Variants in CTSC observed in about 807,000 individuals in gnomAD.
The protein encoded by CTSC is cathepsin C.
CTSC carries 37 observed loss-of-function variants against 40.9 expected under a neutral mutation model. That is an observed-to-expected ratio of 0.91 (90% CI 0.70 to 1.19). CTSC has a LOEUF of 1.19. Ranked by LOEUF, CTSC falls within the 50% of genes most tolerant of loss-of-function variation. The pLI is 0.00. For missense variants in CTSC, 594 were observed against 567.3 expected (o/e 1.05, Z -0.48); for synonymous variants, 232 against 207.4 (o/e 1.12, Z -1.02).
rs376286500 is a variant in CTSC, at chr11:88,294,126, A to G, written c.1272T>C (p.Ile424=). ...TDSASGMDYW[I]VKNSWGTGWG... is the part of the protein sequence containing the mutation. ...AGCCGGTGCCCCAGCTGTTTTTAAC[A>G]ATCCAGTAATCCATCCCAGAGGCTG... is the stretch of plus-strand genomic sequence containing the variant. Residue 424 remains isoleucine, a synonymous_variant, in exon 7 of 7, where the codon ATT becomes ATC. Transcript: ENST00000227266. 1.2e-6 allele frequency: 2 copies of G among 1,613,872 alleles called. No homozygotes were observed. The highest frequency in any genetic ancestry group is 1.7e-5 in the Admixed American group (1 of 59,946).
chr11:88,312,697 T>C, intron 2 of CTSC, 143 bp from the exon 3 acceptor site: 1 of 932,158 alleles, frequency 1.1e-6, no homozygotes, highest in South Asian at 1.6e-5. Context: ...AGAATTATTC[T>C]AGAAAAAGAA....
intron 2 of CTSC, chr11:88,322,182 C>T (rs1288461145): frequency 6.6e-6 from 1 of 152,102 alleles, no homozygotes; most frequent in African/African-American, 2.4e-5. Flanking sequence ...AAAATTTTCT[C>T]CCATTCTGTT....
chr11:88,315,650 C>T (rs1171518134), intron 2 of CTSC, among the ~76,000 whole-genome samples: 1 of 152,004 alleles, frequency 6.6e-6, no homozygotes, highest in Non-Finnish European at 1.5e-5. Context: ...TTCAAGAGAA[C>T]ACAGAAATGA....
At chr11:88,334,456 A>G (rs1056432612) in intron 2 of CTSC, among the ~76,000 whole-genome samples, 1 of 152,182 alleles carries the variant, frequency 6.6e-6, no homozygotes, top group East Asian at 1.9e-4. Flanking sequence ...TTAGTTTAGA[A>G]GAAAAAATTA....
Position 88,294,057 on chromosome 11 carries a change from C to A in CTSC, c.1341G>T (p.Glu447Asp). 1 of 1,614,106 alleles carries A rather than the reference C, an allele frequency of 6.2e-7. No individual in the cohort carries two copies. Among genetic ancestry groups the A allele is most frequent in the Non-Finnish European group, 8.5e-7 (1 of 1,180,018 alleles). Residue 447 changes from glutamate (E) to aspartate (D), a missense_variant, in exon 7 of 7, where the codon GAG (glutamate) becomes GAT (aspartate). By Grantham distance (45) the Glu-to-Asp change is conservative. Transcript: ENST00000227266. ...GYFRIRRGTD[E>D]CAIESIAVAA... ...CCACTGCTATGCTCTCAATTGCACA[C>A]TCATCAGTTCCTCTGCGGATCCGGA...
chr11:88,331,076 A>G (rs1437422967), intron 2 of CTSC, among the ~76,000 whole-genome samples: 1 of 152,170 alleles, frequency 6.6e-6, no homozygotes, highest in East Asian at 1.9e-4. Context: ...GCTTTTTCCT[A>G]TTCTCAGTCA....
intron 2 of CTSC, among the ~76,000 whole-genome samples, chr11:88,318,285 GA>G (rs2134794065): frequency 6.6e-6 from 1 of 152,264 alleles, no homozygotes; most frequent in Non-Finnish European, 1.5e-5. Flanking sequence ...ACGTAACCTT[GA>G]GCAAGTCAAA....
intron 2 of CTSC, chr11:88,326,395 C>CA: frequency 6.2e-7 from 1 of 1,614,012 alleles, no homozygotes; most frequent in Non-Finnish European, 8.5e-7. Flanking sequence ...AACGTCTGTT[C>CA]ATGGCTGTGG....
At chr11:88,304,414 T>A (rs1937612230) in intron 4 of CTSC, among the ~76,000 whole-genome samples, 1 of 152,140 alleles carries the variant, frequency 6.6e-6, no homozygotes, top group African/African-American at 2.4e-5. Context: ...CACAAAACAG[T>A]CATTACAATA....
intron 2 of CTSC, among the ~76,000 whole-genome samples, chr11:88,318,910 A>AAAAT (rs534043337): frequency 1.2e-3 from 189 of 152,246 alleles, no homozygotes; most frequent in African/African-American, 3.4e-3. Flanking sequence ...CACCGGCTCA[A>AAAAT]AAATAAATAA....
intron 2 of CTSC, chr11:88,320,680 G>T: frequency 3.6e-6 from 1 of 275,424 alleles, no homozygotes; most frequent in Non-Finnish European, 5.5e-6. Context: ...TAAATAAATA[G>T]AATAAAATAT....
At position 88,296,131 on chromosome 11, in the gene CTSC, A is replaced by G. The variant is rs1479644147; in HGVS notation, c.889+2T>C. ...AAATGGTGTCTGAAATGCAACACTT[A>G]CCTTGAGCATACTGGCTACAAGACA... On this transcript the variant is annotated splice_donor_variant, in intron 6 of 6. Coordinates refer to ENST00000227266, the MANE Select transcript of CTSC (RefSeq NM_001814.6). LOFTEE classifies it high-confidence loss of function. 6.2e-7 allele frequency: 1 copy of G among 1,613,856 alleles called. No homozygotes were observed. The highest frequency in any genetic ancestry group is 1.7e-5 in the Admixed American group (1 of 60,012).
In CTSC at chr11:88,293,916, G is replaced by T; in HGVS notation, c.*90C>A. 1 of 1,394,782 alleles carries T rather than the reference G, an allele frequency of 7.2e-7. No homozygotes were observed. The highest frequency in any genetic ancestry group is 1.0e-6 in the Non-Finnish European group (1 of 990,414). The allele number at this position is 1,394,782 out of a possible 1,614,324, so 86.4% of individuals were successfully genotyped here. A position where few individuals can be genotyped will look rare whatever the true frequency, so the allele number is the denominator to read the frequency against. On this transcript the variant is annotated 3_prime_UTR_variant, in exon 7 of 7. Coordinates refer to ENST00000227266, the MANE Select transcript of CTSC (RefSeq NM_001814.6). ...CATGGAAATCTATTTGTAAGCTTCT[G>T]AGATTGCTGCTGAAAGTCTACAGTC...
chr11:88,325,088 A>G, intron 2 of CTSC: 1 of 985,168 alleles, frequency 1.0e-6, no homozygotes, highest in Non-Finnish European at 1.2e-6. Flanking sequence ...ACCAAAGCTG[A>G]AAGAAGTCAG....
chr11:88,315,140 T>C (rs938104182), intron 2 of CTSC, among the ~76,000 whole-genome samples: 1 of 152,212 alleles, frequency 6.6e-6, no homozygotes, highest in Non-Finnish European at 1.5e-5. Context: ...TCTCTGGCAC[T>C]GGCTCTTGAT....
At chr11:88,324,838 T>C (rs749267821) in intron 2 of CTSC, 109 of 985,328 alleles carry the variant, frequency 1.1e-4, no homozygotes, top group Non-Finnish European at 1.2e-4. Context: ...AGAGGTGAGA[T>C]AGATAAAAGT....
At chr11:88,298,668 T>C (rs1211049532) in intron 5 of CTSC, 1 of 152,194 alleles carries the variant, frequency 6.6e-6, no homozygotes, top group African/African-American at 2.4e-5. Flanking sequence ...TTTTCTCAAG[T>C]ACCTGACAAG....
Position 88,309,291 on chromosome 11 carries a change from A to C in CTSC, c.513T>G (p.Asp171Glu). Residue 171 changes from aspartate (D) to glutamate (E), a missense_variant, in exon 4 of 7, where the codon GAT (aspartate) becomes GAG (glutamate). Coordinates refer to ENST00000227266, the MANE Select transcript of CTSC (RefSeq NM_001814.6). ...EKYSNRLYKY[D>E]HNFVKAINAI... ...CATTGATAGCTTTCACAAAGTTGTG[A>C]TCATACTTGTAGAGCCTATTAGAAT... 6.2e-7 allele frequency: 1 copy of C among 1,613,910 alleles called. No homozygotes were observed. The highest frequency in any genetic ancestry group is 8.5e-7 in the Non-Finnish European group (1 of 1,179,786).
intron 1 of CTSC, among the ~76,000 whole-genome samples, chr11:88,335,882 T>A (rs891612866): frequency 1.3e-5 from 2 of 152,138 alleles, no homozygotes; most frequent in African/African-American, 4.8e-5. Flanking sequence ...AGAAATGGGG[T>A]ACCTTTCTCC....
Sources: allele counts gnomAD v4.1 joint callset (sites outside exome capture counted in the v4.1 genomes callset), GRCh38; gene constraint gnomAD v4.1.1; transcripts MANE v1.5; gene names NCBI Gene and HGNC (gene_info 2026-07-23, HGNC 2026-07-21).